Variants in NMT2 observed in about 807,000 individuals in gnomAD.
The protein encoded by NMT2 is glycylpeptide N-tetradecanoyltransferase 2.
A neutral mutation model predicts 65.4 loss-of-function variants in NMT2; 35 were observed. The ratio of observed to expected loss-of-function variants is 0.54; its 90% CI spans 0.41 to 0.71. The LOEUF is 0.71. NMT2 is among the 30% of genes least tolerant of loss of function. NMT2 has a pLI of 0.00. For synonymous variants in NMT2, 226 were observed against 231.8 expected, an observed-to-expected ratio of 0.98 and a Z score of 0.23; for missense variants, 489 against 611.3, an observed-to-expected ratio of 0.80 and a Z score of 2.11.
chr10:15,107,853 C>G lies in NMT2; in HGVS notation c.*1342G>C. On this transcript the variant is annotated 3_prime_UTR_variant, in exon 12 of 12. Coordinates refer to ENST00000378165, the MANE Select transcript of NMT2 (RefSeq NM_004808.3). Reference sequence around the variant, plus strand: ...GATTATTGGCAATATAAACACACATCTGTAAGCCATGAAAGTTTTTCAAAT... The same window carrying G: ...GATTATTGGCAATATAAACACACATGTGTAAGCCATGAAAGTTTTTCAAAT... 1 of 985,804 alleles carries G rather than the reference C, an allele frequency of 1.0e-6. No individual in the cohort carries two copies. Among genetic ancestry groups the G allele is most frequent in the African/African-American group, 1.7e-5 (1 of 57,356 alleles). 61.1% of individuals were successfully genotyped at this position (985,804 alleles called of 1,614,324 possible). A position where few individuals can be genotyped will look rare whatever the true frequency, so the allele number is the denominator to read the frequency against.
At chr10:15,119,614 G>A in intron 8 of NMT2, 101 bp from the exon 9 acceptor site, 1 of 897,486 alleles carries the variant, frequency 1.1e-6, no homozygotes, top group South Asian at 1.5e-5. Context: ...AGAATGAGCA[G>A]CACGCGGGAG....
intron 7 of NMT2, 64 bp downstream of exon 7, chr10:15,130,078 A>ACAGT: frequency 8.0e-7 from 1 of 1,253,058 alleles, no homozygotes. Flanking sequence ...ATCTAGCAGA[A>ACAGT]CAGTGGTGAG....
intron 1 of NMT2, 48 bp from the exon 2 acceptor site, chr10:15,141,605 T>C (rs1270720364): frequency 1.9e-6 from 3 of 1,547,828 alleles, no homozygotes; most frequent in East Asian, 2.4e-5. Context: ...ACAAAAATCA[T>C]TAAATGAAAT....
chr10:15,141,491 T>G lies in NMT2; in HGVS notation c.177A>C (p.Pro59=). Residue 59 remains proline, a synonymous_variant, in exon 2 of 12, where the codon CCA becomes CCC. Transcript: ENST00000378165. Reference sequence around the variant, plus strand: ...AGTCTGACTTGGTGCCTCCGGAATTTGGTTTCTCCTTTTTTCTCTTCTGTT... The same window carrying G: ...AGTCTGACTTGGTGCCTCCGGAATTGGGTTTCTCCTTTTTTCTCTTCTGTT... ...KKKQKRKKEK[P]NSGGTKSDSA... 1 of 1,614,258 alleles carries G rather than the reference T, an allele frequency of 6.2e-7. No homozygotes were observed. The highest frequency in any genetic ancestry group is 1.1e-5 in the South Asian group (1 of 91,086).
chr10:15,108,431 C>T lies in NMT2; in HGVS notation c.*764G>A, dbSNP rs1845389186. The T allele has an allele frequency of 3.7e-6, 3 of 804,988 alleles. No homozygotes were observed. Among genetic ancestry groups the T allele is most frequent in the Non-Finnish European group, 4.5e-6 (3 of 665,754 alleles). The allele number at this position is 804,988 out of a possible 1,614,324, so 49.9% of individuals were successfully genotyped here. ...CGATCTCCTGACCTCATGATCTGCC[C>T]ACCTTGGCCTCCCAAAGTGCTGGGA... On this transcript the variant is annotated 3_prime_UTR_variant, in exon 12 of 12. Coordinates refer to ENST00000378165, the MANE Select transcript of NMT2 (RefSeq NM_004808.3).
intron 8 of NMT2, 99 bp from the exon 9 acceptor site, chr10:15,119,612 C>G (rs1235575961): frequency 1.0e-6 from 1 of 960,358 alleles, no homozygotes; most frequent in African/African-American, 1.6e-5. Context: ...GCAGAATGAG[C>G]AGCACGCGGG....
rs1846171979 is a variant in NMT2, at chr10:15,128,469, A to G, written c.891-11T>C. ...GATCGATGCCAGTATCTGGAATACA[A>G]TAAAGGTTTTAAAATCAAATTGATT... On this transcript the variant is annotated splice_polypyrimidine_tract_variant and intron_variant, in intron 7 of 11. Coordinates refer to ENST00000378165, the MANE Select transcript of NMT2 (RefSeq NM_004808.3). The G allele has an allele frequency of 2.0e-6, 3 of 1,492,504 alleles. No individual in the cohort carries two copies. The highest frequency in any genetic ancestry group is 2.3e-5 in the East Asian group (1 of 44,320). The allele number at this position is 1,492,504 out of a possible 1,614,324, so 92.5% of individuals were successfully genotyped here. A position where few individuals can be genotyped will look rare whatever the true frequency, so the allele number is the denominator to read the frequency against.
intron 2 of NMT2, chr10:15,140,931 A>G (rs929649469): frequency 3.5e-6 from 5 of 1,439,834 alleles, no homozygotes; most frequent in Non-Finnish European, 4.8e-6. Flanking sequence ...CCTTGGCATT[A>G]GAATGAAGAA....
chr10:15,136,238 G>C (rs549255912), intron 2 of NMT2, among the ~76,000 whole-genome samples: 66 of 145,298 alleles, frequency 4.5e-4, no homozygotes, highest in African/African-American at 1.7e-3. Flanking sequence ...GAAAGGGAAA[G>C]GGAAAGGAAG....
chr10:15,131,857 A>T (rs1223335253), intron 6 of NMT2, among the ~76,000 whole-genome samples: 1 of 152,148 alleles, frequency 6.6e-6, no homozygotes, highest in Non-Finnish European at 1.5e-5. Context: ...TCTCTCCTAA[A>T]AAATTTTTAA....
At chr10:15,131,221 C>G (rs775115181) in intron 6 of NMT2, among the ~76,000 whole-genome samples, 2 of 152,158 alleles carry the variant, frequency 1.3e-5, no homozygotes, top group African/African-American at 2.4e-5. Flanking sequence ...GAGGCTCCAA[C>G]CCTCTTGTTC....
chr10:15,151,262 G>A (rs896936952), intron 1 of NMT2, among the ~76,000 whole-genome samples: 16 of 152,064 alleles, frequency 1.1e-4, no homozygotes, highest in Non-Finnish European at 2.2e-4. Flanking sequence ...TCTCCATGTT[G>A]GTCAGGCTGG....
chr10:15,155,274 G>T (rs760876006), intron 1 of NMT2: 42 of 1,433,722 alleles, frequency 2.9e-5, no homozygotes, highest in African/African-American at 4.2e-5. Flanking sequence ...GTGCCCCAAG[G>T]CCTCGCTGTT....
In NMT2 at chr10:15,108,176, T is replaced by G. The variant is rs1589281895; in HGVS notation, c.*1019A>C. On this transcript the variant is annotated 3_prime_UTR_variant, in exon 12 of 12. Coordinates refer to ENST00000378165, the MANE Select transcript of NMT2 (RefSeq NM_004808.3). Reference sequence around the variant, plus strand: ...GCAGAAAAGTCTAGTTAGTCGCGGGTACAGGCTCTTTCTTTTTTTTTTTTT... The same window carrying G: ...GCAGAAAAGTCTAGTTAGTCGCGGGGACAGGCTCTTTCTTTTTTTTTTTTT... 1.0e-6 allele frequency: 1 copy of G among 983,888 alleles called. No individual in the cohort carries two copies. The highest frequency in any genetic ancestry group is 4.7e-5 in the South Asian group (1 of 21,282). The allele number at this position is 983,888 out of a possible 1,614,324, so 60.9% of individuals were successfully genotyped here.
chr10:15,139,092 C>T (rs1564577179), intron 2 of NMT2, among the ~76,000 whole-genome samples: 1 of 152,128 alleles, frequency 6.6e-6, no homozygotes, highest in Admixed American at 6.5e-5. Flanking sequence ...AGCCTCCCAG[C>T]CTCCATCTTT....
intron 1 of NMT2, among the ~76,000 whole-genome samples, chr10:15,165,323 T>G (rs1564596527): frequency 6.6e-6 from 1 of 152,200 alleles, no homozygotes; most frequent in Non-Finnish European, 1.5e-5. Context: ...CCAGGCTCCT[T>G]CAAGCTCTTT....
chr10:15,151,148 T>A (rs1832789127), intron 1 of NMT2, among the ~76,000 whole-genome samples: 1 of 151,094 alleles, frequency 6.6e-6, no homozygotes, highest in Non-Finnish European at 1.5e-5. Flanking sequence ...AATCTCCGCC[T>A]CCTGGGTTCA....
intron 1 of NMT2, among the ~76,000 whole-genome samples, chr10:15,150,944 A>G (rs993815752): frequency 2.0e-5 from 3 of 152,046 alleles, no homozygotes; most frequent in Non-Finnish European, 4.4e-5. Flanking sequence ...CTTCTGGTCT[A>G]GTTTACTAAC....
chr10:15,166,849 G>A (rs995186798), intron 1 of NMT2, among the ~76,000 whole-genome samples: 3 of 152,118 alleles, frequency 2.0e-5, no homozygotes, highest in Non-Finnish European at 1.5e-5. Context: ...AGATCAATGC[G>A]CACACAGATG....
Sources: gnomAD v4.1 joint callset for allele counts (sites outside exome capture counted in the v4.1 genomes callset) on GRCh38, gnomAD v4.1.1 for gene constraint, MANE v1.5 for transcripts, NCBI Gene and HGNC (gene_info 2026-07-23, HGNC 2026-07-21) for gene names.